Variants in FRMPD1 observed in about 807,000 individuals in gnomAD.
FRMPD1 encodes the protein FERM and PDZ domain-containing protein 1.
In FRMPD1, 76 loss-of-function variants were observed where a neutral mutation model predicts 117.8. The observed-to-expected ratio is 0.65, with a 90% CI of 0.54 to 0.78. The LOEUF is 0.78. FRMPD1 is among the 30% of genes least tolerant of loss of function. The probability of loss-of-function intolerance (pLI) is 0.00; values close to 1 mark genes in which losing one functional copy is unlikely to be tolerated. For synonymous variants in FRMPD1, 783 were observed against 770.4 expected, an observed-to-expected ratio of 1.02 and a Z score of -0.27; for missense variants, 1,786 against 1,964.5, an observed-to-expected ratio of 0.91 and a Z score of 1.72.
chr9:37,711,291 A>G, intron 4 of FRMPD1, 59 bp from the exon 5 acceptor site: 1 of 1,044,844 alleles, frequency 9.6e-7, no homozygotes, highest in Non-Finnish European at 1.5e-6. Flanking sequence ...GTATGCATGC[A>G]CGTGCATCCA....
the FRMPD1 span, among the ~76,000 whole-genome samples, chr9:37,642,254 CAT>C: frequency 1.3e-5 from 2 of 152,200 alleles, no homozygotes; most frequent in South Asian, 4.1e-4. Flanking sequence ...AAAAAAGACA[CAT>C]GATACTTGCT....
chr9:37,635,981 G>A, the FRMPD1 span, among the ~76,000 whole-genome samples: 6 of 152,214 alleles, frequency 3.9e-5, no homozygotes, highest in Non-Finnish European at 7.3e-5. Flanking sequence ...TAAGGGGCAC[G>A]GTGGGCAGGC....
chr9:37,693,609 A>G (rs1332866550), intron 2 of FRMPD1, among the ~76,000 whole-genome samples: 4 of 152,172 alleles, frequency 2.6e-5, no homozygotes, highest in East Asian at 1.9e-4. Flanking sequence ...CTCTTACCCA[A>G]TGCTCAGAAA....
chr9:37,626,622 G>GGAAAAAAAAAAAAAAAAAA, the FRMPD1 span, among the ~76,000 whole-genome samples: 2 of 48,650 alleles, frequency 4.1e-5, no homozygotes, highest in Non-Finnish European at 7.8e-5. Context: ...CCTGGTATCT[G>GGAAAAAAAAAAAAAAAAAA]AAAAAAAAAA....
intron 2 of FRMPD1, among the ~76,000 whole-genome samples, chr9:37,697,873 T>A (rs1455367827): frequency 1.3e-5 from 2 of 152,210 alleles, no homozygotes; most frequent in Non-Finnish European, 1.5e-5. Context: ...TCCCAGCACT[T>A]TGGGAAGCCA....
intron 5 of FRMPD1, 90 bp from the exon 6 acceptor site, chr9:37,718,979 A>C (rs1338824981): frequency 1.8e-5 from 14 of 766,336 alleles, no homozygotes; most frequent in Non-Finnish European, 3.0e-5. Context: ...AACAGCTATC[A>C]AAGTTTCTGT....
At chr9:37,674,808 C>A (rs979086818) in intron 1 of FRMPD1, among the ~76,000 whole-genome samples, 1 of 152,122 alleles carries the variant, frequency 6.6e-6, no homozygotes, top group Non-Finnish European at 1.5e-5. Context: ...GAAAGACTAG[C>A]CCCTATGATT....
the FRMPD1 span, among the ~76,000 whole-genome samples, chr9:37,642,884 C>T: frequency 6.6e-6 from 1 of 152,142 alleles, no homozygotes. Flanking sequence ...AGCTTTCTCT[C>T]CCATCTGTTT....
intron 1 of FRMPD1, among the ~76,000 whole-genome samples, chr9:37,679,847 C>T (rs978362576): frequency 3.9e-5 from 6 of 152,226 alleles, no homozygotes; most frequent in Non-Finnish European, 8.8e-5. Flanking sequence ...TCAGCAGCCG[C>T]AGCTGACTCA....
the FRMPD1 span, among the ~76,000 whole-genome samples, chr9:37,617,488 T>C: frequency 2.0e-5 from 3 of 152,256 alleles, no homozygotes; most frequent in Admixed American, 6.5e-5. Flanking sequence ...ATAGAATTAT[T>C]GTGAGGATTA....
chr9:37,683,956 G>T lies in FRMPD1; in HGVS notation c.-4-8682G>T, dbSNP rs574232851. ...GTGAGGGAGATGAAGTTGGTGGGTA[G>T]GCAGGGCCAGATCGCAAAAGGCTTT... On this transcript the variant is annotated intron_variant, in intron 1 of 15. Coordinates refer to ENST00000377765, the MANE Select transcript of FRMPD1 (RefSeq NM_014907.3). 2.0e-4 allele frequency among the ~76,000 whole-genome samples: 30 copies of T among 151,172 alleles called. No individual in the cohort carries two copies. In the South Asian group the frequency reaches 5.5e-3, roughly 28 times the overall value.
chr9:37,699,928 C>T (rs1281248392), intron 2 of FRMPD1, among the ~76,000 whole-genome samples: 2 of 152,104 alleles, frequency 1.3e-5, no homozygotes, highest in Non-Finnish European at 2.9e-5. Context: ...CATATACACA[C>T]ATTTTGGCAT....
the FRMPD1 span, among the ~76,000 whole-genome samples, chr9:37,616,584 G>A: frequency 2.0e-5 from 3 of 152,146 alleles, no homozygotes; most frequent in African/African-American, 7.2e-5. Flanking sequence ...GAGTTTTCTT[G>A]TAAATTCCAC....
Position 37,685,365 on chromosome 9 carries a change from T to G in FRMPD1, c.-4-7273T>G, listed in dbSNP as rs10814597. On this transcript the variant is annotated intron_variant, in intron 1 of 15. Coordinates refer to ENST00000377765, the MANE Select transcript of FRMPD1 (RefSeq NM_014907.3). ...CAGCTTAATAAATTTGCCTTTCGGC[T>G]GGGCGCAGTGGCTCACGCCTGTAAT... Among the ~76,000 whole-genome samples the G allele has an allele frequency of 5.3e-5, 8 of 151,922 alleles. 1 individual carries two copies. The highest frequency in any genetic ancestry group is 1.9e-4 in the East Asian group (1 of 5,174).
chr9:37,696,237 A>G (rs1412479471), intron 2 of FRMPD1, among the ~76,000 whole-genome samples: 1 of 151,722 alleles, frequency 6.6e-6, no homozygotes, highest in Non-Finnish European at 1.5e-5. Flanking sequence ...TGACCACCCA[A>G]GGCACAGGGA....
In FRMPD1 at chr9:37,740,935, C is replaced by G; in HGVS notation, c.2356+51C>G. On this transcript the variant is annotated intron_variant, in intron 15 of 15. Transcript: ENST00000377765. The surrounding 1 kb of genome is among the most constrained non-coding windows in gnomAD (Gnocchi z 4.2). ...GACACGGCAGGCAGCTCCTGAGTGC[C>G]TCCCGGGGATCAAGGCCTGGGGCCA... 3 of 1,430,358 alleles carry G rather than the reference C, an allele frequency of 2.1e-6. No individual in the cohort carries two copies. Among genetic ancestry groups the G allele is most frequent in the Non-Finnish European group, 3.0e-6 (3 of 1,013,516 alleles). 88.6% of individuals were successfully genotyped at this position (1,430,358 alleles called of 1,614,324 possible).
chr9:37,678,998 C>A (rs933936543), intron 1 of FRMPD1, among the ~76,000 whole-genome samples: 4 of 152,252 alleles, frequency 2.6e-5, no homozygotes, highest in Admixed American at 1.3e-4. Flanking sequence ...AGCCTCTAAT[C>A]TCGGTGCTCC....
chr9:37,680,802 T>G (rs1054896428), intron 1 of FRMPD1, among the ~76,000 whole-genome samples: 1 of 152,114 alleles, frequency 6.6e-6, no homozygotes, highest in Non-Finnish European at 1.5e-5. Flanking sequence ...TGCCCTTTTC[T>G]ATAATAAAAA....
At chr9:37,733,006 C>G (rs1823958172) in intron 10 of FRMPD1, among the ~76,000 whole-genome samples, 1 of 152,080 alleles carries the variant, frequency 6.6e-6, no homozygotes, top group Non-Finnish European at 1.5e-5. Context: ...TGTACTAAGT[C>G]CAATCTCTCG....
Sources: allele counts gnomAD v4.1 joint callset (sites outside exome capture counted in the v4.1 genomes callset), GRCh38; gene constraint gnomAD v4.1.1; non-coding constraint Gnocchi (gnomAD v3.1); transcripts MANE v1.5; gene names NCBI Gene and HGNC (gene_info 2026-07-23, HGNC 2026-07-21).